Variants in MUC4 observed in about 807,000 individuals in gnomAD.
MUC4 encodes mucin 4, cell surface associated.
Under a neutral mutation model 257.9 loss-of-function variants are expected in MUC4, and 202 were observed. That is an observed-to-expected ratio of 0.78 (90% confidence interval 0.70 to 0.88). The LOEUF (loss-of-function observed/expected upper bound fraction) is 0.88, where lower values mean the gene tolerates loss of function less well. Among genes scored for constraint, MUC4 ranks in the 40% least tolerant of loss-of-function variants. MUC4 has a pLI of 0.00. For synonymous variants in MUC4, 2,351 were observed against 2,757.1 expected (o/e 0.85, Z 4.62); for missense variants, 5,976 against 6,513.7 (o/e 0.92, Z 2.84).
At position 195,788,613 on chromosome 3, in the gene MUC4, G is replaced by T; in HGVS notation, c.2967C>A (p.His989Gln). Residue 989 changes from histidine (H) to glutamine (Q), a missense_variant, in exon 2 of 25, where the codon CAC (histidine) becomes CAA (glutamine). Coordinates refer to ENST00000463781, the MANE Select transcript of MUC4 (RefSeq NM_018406.7). ...CATCGGTGACATGAAGAGGGGTGGTGTGACCTGTGGATGCCGAGGAAGCGT... is the reference window on the plus strand; with the variant it reads ...CATCGGTGACATGAAGAGGGGTGGTTTGACCTGTGGATGCCGAGGAAGCGT... The part of the protein sequence containing the change: ...VTYASSASTG[H>Q]TTPLHVTDAS... The T allele has an allele frequency of 6.3e-7, 1 of 1,593,612 alleles. No homozygotes were observed. The highest frequency in any genetic ancestry group is 8.5e-7 in the Non-Finnish European group (1 of 1,169,846).
At position 195,784,596 on chromosome 3, in the gene MUC4, T is replaced by C. The variant is rs1210998100; in HGVS notation, c.6984A>G (p.Ser2328=). ...GAGGCGTGGTGTCACCTGTGGATGC[T>C]GAGGAAAGGCTGGTGACAGGAAGAG... ...ATPLPVTSLS[S]ASTGDTTPLP... The change falls in exon 2 of 25, where the codon TCA becomes TCG. Residue 2328 remains serine (S), a synonymous_variant. Transcript: ENST00000463781. 1 of 1,414,532 alleles carries C rather than the reference T, an allele frequency of 7.1e-7. No individual in the cohort carries two copies. Among genetic ancestry groups the C allele is most frequent in the African/African-American group, 1.7e-5 (1 of 59,134 alleles). The allele number at this position is 1,414,532 out of a possible 1,614,324, so 87.6% of individuals were successfully genotyped here. A position where few individuals can be genotyped will look rare whatever the true frequency, so the allele number is the denominator to read the frequency against.
chr3:195,778,367 G>C lies in MUC4; in HGVS notation c.12879C>G (p.Thr4293=). The C allele has an allele frequency of 6.2e-7, 1 of 1,613,176 alleles. No homozygotes were observed. The highest frequency in any genetic ancestry group is 1.1e-5 in the South Asian group (1 of 91,074). ...PPTTSQTIIS[T]IPSTAMHTRS... The stretch of plus-strand genomic sequence containing the variant: ...GGGTGTGCATGGCAGTGCTGGGAAT[G>C]GTGGAAATGATGGTCTGGGAGGTTG... Residue 4293 remains threonine (T), a synonymous_variant, in exon 3 of 25, where the codon ACC becomes ACG. Coordinates refer to ENST00000463781, the MANE Select transcript of MUC4 (RefSeq NM_018406.7).
At position 195,811,865 on chromosome 3, in the gene MUC4, AGCAGCTGCAGTGTGAGGAGCAGACGT is replaced by A; in HGVS notation, c.-74_-49del. On this transcript the variant is annotated 5_prime_UTR_variant, in exon 1 of 25. Transcript: ENST00000463781. ...GCTCCCTGGGGAAGCTCCACGGCCC[AGCAGCTGCAGTGTGAGGAGCAGACGT>A]GAGCCCGTCCCCTCAGGCGGCTGGC... is the stretch of plus-strand genomic sequence containing the variant. 6.3e-7 allele frequency: 1 copy of A among 1,583,660 alleles called. No individual in the cohort carries two copies. The highest frequency in any genetic ancestry group is 1.1e-5 in the South Asian group (1 of 89,936).
At position 195,761,649 on chromosome 3, in the gene MUC4, C is replaced by T; in HGVS notation, c.14513-64G>A. 7 of 1,310,060 alleles carry T rather than the reference C, an allele frequency of 5.3e-6. No individual in the cohort carries two copies. The South Asian group carries it at 7.3e-5, about 14-fold the overall frequency. The allele number at this position is 1,310,060 out of a possible 1,614,324, so 81.2% of individuals were successfully genotyped here. Reference sequence around the variant, plus strand: ...CGGCTGTCCCCTTCCTGGGGAGCATCCGGCGGACGCAGTGGGGAGAGGCCA... The same window carrying T: ...CGGCTGTCCCCTTCCTGGGGAGCATTCGGCGGACGCAGTGGGGAGAGGCCA... On this transcript the variant is annotated intron_variant, in intron 14 of 24. Coordinates refer to ENST00000463781, the MANE Select transcript of MUC4 (RefSeq NM_018406.7).
In MUC4 at chr3:195,782,944, G is replaced by T. The variant is rs780171803; in HGVS notation, c.8636C>A (p.Thr2879Asn). 2.5e-6 allele frequency: 3 copies of T among 1,206,110 alleles called. No homozygotes were observed. The highest frequency in any genetic ancestry group is 3.3e-6 in the Non-Finnish European group (3 of 899,806). The allele number at this position is 1,206,110 out of a possible 1,614,324, so 74.7% of individuals were successfully genotyped here. A position where few individuals can be genotyped will look rare whatever the true frequency, so the allele number is the denominator to read the frequency against. Residue 2879 changes from threonine (T) to asparagine (N), a missense_variant, in exon 2 of 25, where the codon ACC (threonine) becomes AAC (asparagine). Transcript: ENST00000463781. ...GGAAGCGTCGGTGACAGGAAGAGGG[G>T]TGGCATGACCTGTGGACACTGAGGA... The part of the protein sequence containing the change: ...DASSVSTGHA[T>N]PLPVTDASSV...
chr3:195,778,424 A>G lies in MUC4; in HGVS notation c.12822T>C (p.Gly4274=), dbSNP rs1439598549. ...GTGGTGATGTGGCTGTGCGTCTCCC[A>G]CCGTCTGTCTTCAGTGACGGTGTTG... The part of the protein sequence containing the change: ...GMTTPSLKTD[G]GRRTATSPPP... Residue 4274 remains glycine, a synonymous_variant, in exon 3 of 25, where the codon GGT becomes GGC. Coordinates refer to ENST00000463781, the MANE Select transcript of MUC4 (RefSeq NM_018406.7). 4 of 1,612,816 alleles carry G rather than the reference A, an allele frequency of 2.5e-6. No homozygotes were observed. The highest frequency in any genetic ancestry group is 3.4e-6 in the Non-Finnish European group (4 of 1,179,784).
intron 5 of MUC4, 80 bp downstream of exon 5, chr3:195,771,572 T>C: frequency 3.3e-6 from 5 of 1,507,192 alleles, no homozygotes; most frequent in Non-Finnish European, 4.5e-6. Context: ...GCAGCAACTC[T>C]GGCAAAGCCT....
rs185900186 is a variant in MUC4 at position 195,753,670 on chromosome 3, T to C, written c.15329-440A>G. ...GGGCTTGGTAAAGGCCTCGCTGTGA[T>C]CTCCCTCATCAGACTCTGGTGACTC... is the stretch of plus-strand genomic sequence containing the variant. On this transcript the variant is annotated intron_variant, in intron 19 of 24. Coordinates refer to ENST00000463781, the MANE Select transcript of MUC4 (RefSeq NM_018406.7). 8 of 218,572 alleles carry C rather than the reference T, an allele frequency of 3.7e-5. No individual in the cohort carries two copies. The East Asian group carries it at 1.2e-3, about 32-fold the overall frequency. 13.5% of individuals were successfully genotyped at this position (218,572 alleles called of 1,614,324 possible).
chr3:195,771,739 G>A lies in MUC4; in HGVS notation c.13155C>T (p.Gly4385=). ...GGGCCACAGGGTCCCGGCCTGTGAA[G>A]CCTGTTGGGAGTGGGTTGGGGTAGG... ...IFSYPNPLPT[G]FTGRDPVALV... The change falls in exon 5 of 25, where the codon GGC becomes GGT. Residue 4385 remains glycine (G), a synonymous_variant. Transcript: ENST00000463781. The A allele has an allele frequency of 1.9e-6, 3 of 1,613,838 alleles. No homozygotes were observed. The highest frequency in any genetic ancestry group is 2.5e-6 in the Non-Finnish European group (3 of 1,179,808).
At chr3:195,809,960 C>A (rs554073241) in intron 1 of MUC4, 1 of 152,632 alleles carries the variant, frequency 6.6e-6, no homozygotes, top group Non-Finnish European at 1.5e-5. Context: ...GCTGCCTCCC[C>A]GGCGCCCCAA....
chr3:195,796,225 GGC>G (rs1734563243), intron 1 of MUC4, among the ~76,000 whole-genome samples: 2 of 152,042 alleles, frequency 1.3e-5, no homozygotes, highest in African/African-American at 4.8e-5. Context: ...TGGGATTACA[GGC>G]GCATGCCACC....
At chr3:195,768,855 A>T (rs1722184527) in intron 7 of MUC4, among the ~76,000 whole-genome samples, 167 bp downstream of exon 7, 1 of 152,206 alleles carries the variant, frequency 6.6e-6, no homozygotes, top group Non-Finnish European at 1.5e-5. Flanking sequence ...TTGTCGTGGG[A>T]AGCAGCCAGA....
intron 3 of MUC4, among the ~76,000 whole-genome samples, chr3:195,776,774 C>T (rs1238280880): frequency 1.1e-5 from 1 of 89,612 alleles, no homozygotes. Flanking sequence ...ACCTTCCACA[C>T]CCATACCTTC....
chr3:195,765,082 G>A lies in MUC4; in HGVS notation c.13839C>T (p.Thr4613=), dbSNP rs772365020. The A allele has an allele frequency of 6.2e-7, 1 of 1,613,682 alleles. No individual in the cohort carries two copies. The highest frequency in any genetic ancestry group is 1.3e-5 in the African/African-American group (1 of 74,934). The change falls in exon 10 of 25, where the codon ACC becomes ACT. Residue 4613 remains threonine (T), a synonymous_variant. Coordinates refer to ENST00000463781, the MANE Select transcript of MUC4 (RefSeq NM_018406.7). ...GLGSRQLCSF[T]SWRGGVCCSY... The stretch of plus-strand genomic sequence containing the variant: ...TGCAGCACACGCCTCCTCGCCAAGA[G>A]GTGAAGCTGCACAGCTGCCTACTGC...
chr3:195,754,352 G>C lies in MUC4; in HGVS notation c.15189C>G (p.Asp5063Glu). Reference protein sequence around the residue: ...SSLEVAGCKCDGGTFGRYCEG... With the variant: ...SSLEVAGCKCEGGTFGRYCEG... ...CGCAGTAGCGGCCGAAGGTGCCCCC[G>C]TCACACTTGCAGCCAGCCACCTGGA... Residue 5063 changes from aspartate to glutamate, a missense_variant, in exon 19 of 25, where the codon GAC becomes GAG. Physicochemically the swap from Asp to Glu is conservative, Grantham distance 45. Transcript: ENST00000463781. 1 of 1,610,080 alleles carries C rather than the reference G, an allele frequency of 6.2e-7. No individual in the cohort carries two copies. The highest frequency in any genetic ancestry group is 1.7e-5 in the Admixed American group (1 of 59,824).
At position 195,788,926 on chromosome 3, in the gene MUC4, G is replaced by T. The variant is rs752700892; in HGVS notation, c.2654C>A (p.Pro885Gln). ...TLSEASTAGR[P>Q]TGQSSPTSPS... ...AGAAGTTGGGCTTGACTGTCCTGTCGGTCTCCCTGCAGTGGAGGCCTCAGA... is the reference window on the plus strand; with the variant it reads ...AGAAGTTGGGCTTGACTGTCCTGTCTGTCTCCCTGCAGTGGAGGCCTCAGA... Residue 885 changes from proline to glutamine, a missense_variant, in exon 2 of 25, where the codon CCG (proline) becomes CAG (glutamine). By Grantham distance (76) the Pro-to-Gln change is moderately conservative. Coordinates refer to ENST00000463781, the MANE Select transcript of MUC4 (RefSeq NM_018406.7). 1.9e-6 allele frequency: 3 copies of T among 1,613,524 alleles called. No homozygotes were observed. Among genetic ancestry groups the T allele is most frequent in the South Asian group, 1.1e-5 (1 of 91,040 alleles).
chr3:195,758,974 T>C (rs1289247922), intron 17 of MUC4, 150 bp downstream of exon 17: 3 of 1,122,604 alleles, frequency 2.7e-6, no homozygotes, highest in East Asian at 4.8e-5. Flanking sequence ...GTTATAGATA[T>C]CGCTCCTCGG....
Position 195,751,624 on chromosome 3 carries a change from TGGTC to T in MUC4, c.15583-357_15583-354del. Reference sequence around the variant, plus strand: ...ACATGGGTTGTTTAGACCTAGGAGATGGTCGGGGCTGGGGGTGTCAAGGTGACTT... The same window carrying T: ...ACATGGGTTGTTTAGACCTAGGAGATGGGGCTGGGGGTGTCAAGGTGACTT... On this transcript the variant is annotated intron_variant, in intron 21 of 24. Coordinates refer to ENST00000463781, the MANE Select transcript of MUC4 (RefSeq NM_018406.7). 8.3e-6 allele frequency: 3 copies of T among 359,804 alleles called. No individual in the cohort carries two copies. In the South Asian group the frequency reaches 1.2e-4, roughly 15 times the overall value. The allele number at this position is 359,804 out of a possible 1,614,324, so 22.3% of individuals were successfully genotyped here.
In MUC4 at chr3:195,762,187, G is replaced by GA. The variant is rs1719128231; in HGVS notation, c.14411dup (p.Asp4805ArgfsTer38). 1 of 1,603,382 alleles carries GA rather than the reference G, an allele frequency of 6.2e-7. No homozygotes were observed. The highest frequency in any genetic ancestry group is 1.1e-5 in the South Asian group (1 of 88,886). ...TCACCGAGACGGTGGCCCAGCCGTC[G>GA]AAGCTGGCCGAGACCTCAGAGCCGT... On this transcript the variant is annotated frameshift_variant, in exon 14 of 25. Transcript: ENST00000463781. LOFTEE classifies it high-confidence loss of function.
Sources: allele counts gnomAD v4.1 joint callset (sites outside exome capture counted in the v4.1 genomes callset), GRCh38; gene constraint gnomAD v4.1.1; transcripts MANE v1.5; gene names NCBI Gene and HGNC (gene_info 2026-07-23, HGNC 2026-07-21).